SH3RF3: variants seen among roughly 807,000 people sequenced by gnomAD.
SH3RF3 encodes SH3 domain containing ring finger 3, also known as E3 ubiquitin-protein ligase SH3RF3.
In SH3RF3, 29 loss-of-function variants were observed where a neutral mutation model predicts 66.3. The ratio of observed to expected loss-of-function variants is 0.44; its 90% CI spans 0.33 to 0.60. SH3RF3 has a LOEUF of 0.60. Ranked by LOEUF, SH3RF3 falls within the 20% of genes least tolerant of loss-of-function variation. SH3RF3 has a pLI of 0.04. For synonymous variants in SH3RF3, 583 were observed against 532.0 expected (o/e 1.10, Z -1.32); for missense variants, 1,194 against 1,190.9 (o/e 1.00, Z -0.04).
chr2:109,427,636 T>C (rs1677065050), intron 5 of SH3RF3, among the ~76,000 whole-genome samples: 2 of 152,212 alleles, frequency 1.3e-5, no homozygotes, highest in African/African-American at 4.8e-5. Context: ...AGGTGCTCAG[T>C]TGGGAAAGAC....
chr2:109,179,252 C>T (rs898588157), intron 1 of SH3RF3, among the ~76,000 whole-genome samples: 1 of 152,064 alleles, frequency 6.6e-6, no homozygotes, highest in Non-Finnish European at 1.5e-5. Flanking sequence ...CCTTTTTATC[C>T]TCTGATTCTG....
intron 4 of SH3RF3, among the ~76,000 whole-genome samples, chr2:109,407,460 A>G (rs1371827820): frequency 6.6e-6 from 1 of 152,148 alleles, no homozygotes; most frequent in Non-Finnish European, 1.5e-5. Context: ...GGGTCTTATT[A>G]TCTCTGCCAC....
In SH3RF3 at chr2:109,144,836, C is replaced by T. The variant is rs77344883; in HGVS notation, c.573+14723C>T. The stretch of plus-strand genomic sequence containing the variant: ...TGACCCGGGGTTGAGAACCAAGAGA[C>T]GGGCAGGGGGCGGAAGGCATGGTGG... On this transcript the variant is annotated intron_variant, in intron 1 of 9. Coordinates refer to ENST00000309415, the MANE Select transcript of SH3RF3 (RefSeq NM_001099289.3). 7.8e-3 allele frequency among the ~76,000 whole-genome samples: 1,183 copies of T among 152,298 alleles called. 12 individuals are homozygous for T. Among genetic ancestry groups the T allele is most frequent in the East Asian group, 0.034 (174 of 5,168 alleles).
chr2:109,379,554 T>A (rs1683465546), intron 3 of SH3RF3, among the ~76,000 whole-genome samples: 1 of 152,186 alleles, frequency 6.6e-6, no homozygotes, highest in Admixed American at 6.5e-5. Flanking sequence ...GAAGGAAAAA[T>A]ACTCAGGGAT....
intron 6 of SH3RF3, among the ~76,000 whole-genome samples, chr2:109,436,501 C>G (rs1160370992): frequency 6.6e-6 from 1 of 152,242 alleles, no homozygotes; most frequent in East Asian, 1.9e-4. Flanking sequence ...TCCTTGCCAT[C>G]CTTTCCCCAA....
intron 1 of SH3RF3, among the ~76,000 whole-genome samples, chr2:109,300,845 A>G (rs1303609719): frequency 6.6e-6 from 1 of 152,150 alleles, no homozygotes; most frequent in Non-Finnish European, 1.5e-5. Context: ...CAAGGCTCCT[A>G]CTAAATCAGA....
Position 109,398,915 on chromosome 2 carries a change from C to T in SH3RF3, c.1271C>T (p.Ala424Val). Residue 424 changes from alanine (A) to valine (V), a missense_variant, in exon 4 of 10, where the codon GCT (alanine) becomes GTT (valine). Ala to Val is a moderately conservative substitution (Grantham distance 64). Coordinates refer to ENST00000309415, the MANE Select transcript of SH3RF3 (RefSeq NM_001099289.3). ...GCCGCGGCCAGGATTGGAGACCTTG[C>T]TCATCTGTCGTGCGCTGCTCCCACC... ...PRAAARIGDL[A>V]HLSCAAPTQD... 1 of 1,613,222 alleles carries T rather than the reference C, an allele frequency of 6.2e-7. No individual in the cohort carries two copies. The highest frequency in any genetic ancestry group is 8.5e-7 in the Non-Finnish European group (1 of 1,179,876).
At position 109,449,158 on chromosome 2, in the gene SH3RF3, C is replaced by T. The variant is rs1339446964; in HGVS notation, c.1829-12C>T. ...ACCTTTCAACCTGCTGTCTCTCCAA[C>T]CCCGTCTCCAGCTGCCCACTCTGCA... On this transcript the variant is annotated splice_polypyrimidine_tract_variant and intron_variant, in intron 7 of 9. Transcript: ENST00000309415. 6.2e-7 allele frequency: 1 copy of T among 1,611,856 alleles called. No homozygotes were observed. Among genetic ancestry groups the T allele is most frequent in the African/African-American group, 1.3e-5 (1 of 75,030 alleles).
At chr2:109,198,965 G>A (rs1363534947) in intron 1 of SH3RF3, among the ~76,000 whole-genome samples, 1 of 152,168 alleles carries the variant, frequency 6.6e-6, no homozygotes, top group Non-Finnish European at 1.5e-5. Flanking sequence ...CATGGTATAT[G>A]CAGTCATCAT....
At position 109,449,388 on chromosome 2, in the gene SH3RF3, G is replaced by A. The variant is rs369331698; in HGVS notation, c.2047G>A (p.Ala683Thr). 27 of 1,611,774 alleles carry A rather than the reference G, an allele frequency of 1.7e-5. 1 individual carries two copies. Among genetic ancestry groups the A allele is most frequent in the South Asian group, 3.3e-5 (3 of 90,642 alleles). The change falls in exon 8 of 10, where the codon GCA (alanine) becomes ACA (threonine). Residue 683 changes from alanine to threonine, a missense_variant. Transcript: ENST00000309415. The stretch of plus-strand genomic sequence containing the variant: ...CATCACACCTCCCAACGTCAGTGCC[G>A]CAAACCTCAACGGGGAGGCTGGAGG... The part of the protein sequence containing the change: ...SAITPPNVSA[A>T]NLNGEAGGGP...
At chr2:109,219,977 TGAAAA>T (rs1434739709) in intron 1 of SH3RF3, among the ~76,000 whole-genome samples, 1 of 152,212 alleles carries the variant, frequency 6.6e-6, no homozygotes, top group African/African-American at 2.4e-5. Context: ...AAAACAATCT[TGAAAA>T]GGAGGAGCAA....
intron 5 of SH3RF3, among the ~76,000 whole-genome samples, chr2:109,421,841 T>TC (rs1676891775): frequency 6.6e-6 from 1 of 152,328 alleles, no homozygotes; most frequent in East Asian, 1.9e-4. Context: ...CTGGTGATGG[T>TC]CCGTTCCATG....
At chr2:109,158,137 A>G (rs1677396129) in intron 1 of SH3RF3, among the ~76,000 whole-genome samples, 1 of 152,144 alleles carries the variant, frequency 6.6e-6, no homozygotes, top group African/African-American at 2.4e-5. Flanking sequence ...AGGTGCCAAG[A>G]CAGGACTGTG....
chr2:109,487,247 C>T (rs1471935439), intron 8 of SH3RF3, among the ~76,000 whole-genome samples: 1 of 152,200 alleles, frequency 6.6e-6, no homozygotes, highest in East Asian at 1.9e-4. Flanking sequence ...TCTCCTCCCA[C>T]GGTGTTGTCC....
chr2:109,414,877 C>T (rs1400176665), intron 4 of SH3RF3, among the ~76,000 whole-genome samples: 1 of 152,330 alleles, frequency 6.6e-6, no homozygotes, highest in Admixed American at 6.5e-5. Context: ...GGACTGATGG[C>T]CCCCACACAT....
rs10496428 is a variant in SH3RF3, at chr2:109,262,410, C to T, written c.574-85264C>T. On this transcript the variant is annotated intron_variant, in intron 1 of 9. Transcript: ENST00000309415. The stretch of plus-strand genomic sequence containing the variant: ...TTGGGGTTACTGCCTTCAAACTCTG[C>T]TTTCGATGCCCTGGGAACCTCTCAT... Among the ~76,000 whole-genome samples the T allele has an allele frequency of 3.3e-5, 5 of 151,964 alleles. No homozygotes were observed. The South Asian group carries it at 1.0e-3, about 32-fold the overall frequency.
chr2:109,352,051 C>T (rs1436137855), intron 2 of SH3RF3, among the ~76,000 whole-genome samples: 4 of 152,172 alleles, frequency 2.6e-5, no homozygotes, highest in East Asian at 1.9e-4. Context: ...AATCATGGCA[C>T]GTTTCTTTAA....
intron 1 of SH3RF3, among the ~76,000 whole-genome samples, chr2:109,231,147 C>T (rs959260425): frequency 1.3e-5 from 2 of 152,252 alleles, no homozygotes; most frequent in Non-Finnish European, 2.9e-5. Flanking sequence ...GACCCCATCT[C>T]CTCTCCTCCC....
At chr2:109,280,352 G>T (rs891423950) in intron 1 of SH3RF3, among the ~76,000 whole-genome samples, 1 of 152,206 alleles carries the variant, frequency 6.6e-6, no homozygotes, top group Non-Finnish European at 1.5e-5. Context: ...GCCAGTGGCA[G>T]TGGGCTCTGA....
Sources: allele counts gnomAD v4.1 joint callset (sites outside exome capture counted in the v4.1 genomes callset), GRCh38; gene constraint gnomAD v4.1.1; transcripts MANE v1.5; gene names NCBI Gene and HGNC (gene_info 2026-07-23, HGNC 2026-07-21).